Variants in EDIL3 observed in about 807,000 individuals in gnomAD.
EDIL3 encodes EGF like and discoidin domains 3.
Under a neutral mutation model 67.4 loss-of-function variants are expected in EDIL3, and 37 were observed. That is an observed-to-expected ratio of 0.55 (90% CI 0.42 to 0.72). The LOEUF (loss-of-function observed/expected upper bound fraction) is 0.72. EDIL3 is among the 30% of genes least tolerant of loss of function. The pLI, the probability that EDIL3 is intolerant of heterozygous loss-of-function variation, is 0.00. For synonymous variants in EDIL3, 195 were observed against 196.3 expected, an observed-to-expected ratio of 0.99 and a Z score of 0.05; for missense variants, 527 against 586.3, an observed-to-expected ratio of 0.90 and a Z score of 1.04.
At chr5:84,056,898 T>C (rs1400616740) in intron 9 of EDIL3, among the ~76,000 whole-genome samples, 1 of 151,932 alleles carries the variant, frequency 6.6e-6, no homozygotes, top group African/African-American at 2.4e-5. Flanking sequence ...AAAAAGAAAA[T>C]CACCCCATAC....
chr5:84,073,924 A>C (rs1355660293), intron 6 of EDIL3, among the ~76,000 whole-genome samples: 1 of 151,794 alleles, frequency 6.6e-6, no homozygotes, highest in East Asian at 1.9e-4. Context: ...AGCTGGAGGC[A>C]TCACGCTACC....
intron 6 of EDIL3, among the ~76,000 whole-genome samples, chr5:84,077,219 C>T (rs373747047): frequency 3.9e-5 from 6 of 152,248 alleles, no homozygotes; most frequent in African/African-American, 1.4e-4. Context: ...TCAGTACAAA[C>T]GTTAACAGAG....
chr5:83,954,412 C>T (rs1744475810), intron 10 of EDIL3, among the ~76,000 whole-genome samples: 1 of 151,646 alleles, frequency 6.6e-6, no homozygotes, highest in African/African-American at 2.4e-5. Context: ...GGTGCCCTCC[C>T]TATTGTATTG....
At chr5:84,091,469 C>T (rs191551259) in intron 6 of EDIL3, among the ~76,000 whole-genome samples, 2 of 152,330 alleles carry the variant, frequency 1.3e-5, no homozygotes, top group African/African-American at 4.8e-5. Flanking sequence ...GCAACAACAA[C>T]AAACTCCCTT....
intron 1 of EDIL3, among the ~76,000 whole-genome samples, chr5:84,291,734 C>A (rs115673567): frequency 1.9e-4 from 27 of 144,292 alleles, no homozygotes; most frequent in Non-Finnish European, 3.3e-4. Context: ...CTATATAGAT[C>A]TATCTATATA....
chr5:84,180,294 G>C (rs1357772647), intron 4 of EDIL3, 99 bp downstream of exon 4: 1 of 1,352,186 alleles, frequency 7.4e-7, no homozygotes, highest in Non-Finnish European at 9.8e-7. Context: ...GCTCTCTTCT[G>C]CTCTCAGATT....
At chr5:84,100,496 T>C (rs1374250387) in intron 6 of EDIL3, among the ~76,000 whole-genome samples, 1 of 152,022 alleles carries the variant, frequency 6.6e-6, no homozygotes, top group East Asian at 1.9e-4. Flanking sequence ...ACACCACATG[T>C]TCTCAGTCAT....
Position 84,254,805 on chromosome 5 carries a change from G to C in EDIL3, c.68-593C>G, listed in dbSNP as rs186826051. On this transcript the variant is annotated intron_variant, in intron 1 of 10. Transcript: ENST00000296591. ...GAGTGAAAGAAATGTGGAAGGATAA[G>C]AAAGAAACTGCTACAGAGAAATAAC... is the stretch of plus-strand genomic sequence containing the variant. Among the ~76,000 whole-genome samples, 300 of 152,296 alleles carry C rather than the reference G, an allele frequency of 2.0e-3. 2 individuals are homozygous for C. The highest frequency in any genetic ancestry group is 0.01 in the South Asian group (50 of 4,832).
chr5:84,303,674 T>C (rs1318400203), intron 1 of EDIL3, among the ~76,000 whole-genome samples: 1 of 152,228 alleles, frequency 6.6e-6, no homozygotes, highest in Admixed American at 6.5e-5. Flanking sequence ...CAAAAGTTAA[T>C]AGTTAAAAAT....
At chr5:84,166,711 G>C (rs1297138335) in intron 4 of EDIL3, among the ~76,000 whole-genome samples, 2 of 152,190 alleles carry the variant, frequency 1.3e-5, no homozygotes, top group Non-Finnish European at 2.9e-5. Context: ...AGATGGTGGA[G>C]GAAGATGTTA....
At chr5:84,348,802 A>T (rs12187173) in intron 1 of EDIL3, among the ~76,000 whole-genome samples, 7,050 of 152,218 alleles carry the variant, frequency 0.046, 239 homozygotes, top group Non-Finnish European at 0.07. Context: ...TTTTCAAACT[A>T]TTTAAAGTAC....
intron 3 of EDIL3, among the ~76,000 whole-genome samples, chr5:84,218,306 G>A (rs189377009): frequency 5.3e-5 from 8 of 152,262 alleles, no homozygotes; most frequent in South Asian, 4.2e-4. Context: ...TCTAGGCAAC[G>A]CAGTTTAACA....
In EDIL3 at chr5:84,082,368, A is replaced by G. The variant is rs1746986366; in HGVS notation, c.652-15762T>C. On this transcript the variant is annotated intron_variant, in intron 6 of 10. Transcript: ENST00000296591. ...ACTGTGATGTTCTTTATTTTTATGCACTGATGATAAAAGAAGTCTACAAAG... is the reference window on the plus strand; with the variant it reads ...ACTGTGATGTTCTTTATTTTTATGCGCTGATGATAAAAGAAGTCTACAAAG... Among the ~76,000 whole-genome samples, 9 of 152,232 alleles carry G rather than the reference A, an allele frequency of 5.9e-5. 1 individual carries two copies. The South Asian group carries it at 1.9e-3, about 31-fold the overall frequency.
At chr5:84,141,930 T>TATAC (rs1554069996) in intron 4 of EDIL3, among the ~76,000 whole-genome samples, 70 of 125,614 alleles carry the variant, frequency 5.6e-4, no homozygotes, top group African/African-American at 1.7e-3. Flanking sequence ...TATACACATA[T>TATAC]ATATATATAT....
chr5:84,003,813 G>A (rs887395637), intron 9 of EDIL3, among the ~76,000 whole-genome samples: 6 of 151,982 alleles, frequency 3.9e-5, no homozygotes, highest in African/African-American at 1.4e-4. Context: ...GATTGAACCT[G>A]CATATATCAG....
At chr5:83,947,363 C>CTGTG (rs71605883) in intron 10 of EDIL3, among the ~76,000 whole-genome samples, 5,976 of 126,402 alleles carry the variant, frequency 0.047, 132 homozygotes, top group African/African-American at 0.052. Flanking sequence ...GTGTCTGTGT[C>CTGTG]TGTGTCTGTG....
At chr5:84,025,672 A>G (rs1306863169) in intron 9 of EDIL3, among the ~76,000 whole-genome samples, 1 of 152,164 alleles carries the variant, frequency 6.6e-6, no homozygotes, top group Admixed American at 6.5e-5. Flanking sequence ...ACCTCTATGC[A>G]CCCATGCTAC....
intron 10 of EDIL3, among the ~76,000 whole-genome samples, chr5:83,957,685 T>C (rs1744537858): frequency 1.3e-5 from 2 of 151,582 alleles, no homozygotes; most frequent in South Asian, 2.1e-4. Context: ...TATTGGAGAG[T>C]GATGGACTTT....
At chr5:84,229,608 T>C (rs1744525646) in intron 3 of EDIL3, among the ~76,000 whole-genome samples, 1 of 152,214 alleles carries the variant, frequency 6.6e-6, no homozygotes, top group Non-Finnish European at 1.5e-5. Flanking sequence ...CAATGTGCTA[T>C]TTTGTATTGT....
Sources: allele counts gnomAD v4.1 joint callset (sites outside exome capture counted in the v4.1 genomes callset), GRCh38; gene constraint gnomAD v4.1.1; transcripts MANE v1.5; gene names NCBI Gene and HGNC (gene_info 2026-07-23, HGNC 2026-07-21).